Variants in TACC2 observed in about 807,000 individuals in gnomAD.
TACC2 encodes the protein transforming acidic coiled-coil-containing protein 2.
A neutral mutation model predicts 227.3 loss-of-function variants in TACC2; 137 were observed. That is an observed-to-expected ratio of 0.60 (90% CI 0.52 to 0.69). The LOEUF is 0.69. Ranked by LOEUF, TACC2 falls within the 30% of genes least tolerant of loss-of-function variation. TACC2 has a pLI of 0.00. For synonymous variants in TACC2, 1,523 were observed against 1,487.5 expected (o/e 1.02, Z -0.55); for missense variants, 3,470 against 3,694.4 (o/e 0.94, Z 1.57).
chr10:122,049,700 C>T (rs926430297), intron 2 of TACC2, among the ~76,000 whole-genome samples: 2 of 151,748 alleles, frequency 1.3e-5, no homozygotes, highest in African/African-American at 4.8e-5. Context: ...TTATATTATA[C>T]TAAAATAGCA....
At chr10:121,993,183 G>A (rs1422468218) in intron 1 of TACC2, among the ~76,000 whole-genome samples, 1 of 152,002 alleles carries the variant, frequency 6.6e-6, no homozygotes, top group African/African-American at 2.4e-5. Flanking sequence ...AAAACTCTCT[G>A]GGAGGTCCTT....
chr10:122,016,610 T>C (rs1022119950), intron 1 of TACC2, among the ~76,000 whole-genome samples: 3 of 151,090 alleles, frequency 2.0e-5, no homozygotes, highest in Admixed American at 6.6e-5. Flanking sequence ...ACCTGAGGCC[T>C]TTCTCACCTC....
chr10:122,085,589 T>C lies in TACC2; in HGVS notation c.3089T>C (p.Leu1030Ser), dbSNP rs1282606971. 6.2e-7 allele frequency: 1 copy of C among 1,613,176 alleles called. No homozygotes were observed. Among genetic ancestry groups the C allele is most frequent in the South Asian group, 1.1e-5 (1 of 91,084 alleles). Residue 1030 changes from leucine (L) to serine (S), a missense_variant, in exon 4 of 23, where the codon TTG becomes TCG. By Grantham distance (145) the Leu-to-Ser change is moderately radical (BLOSUM62 -2). Coordinates refer to ENST00000369005, the MANE Select transcript of TACC2 (RefSeq NM_206862.4). ...GATGGTTGTTCCCCACTCTGGGGCT[T>C]GAGTAAGAGGGAGATGGCAAGTGGA... ...AADGCSPLWG[L>S]SKREMASGNT... is the part of the protein sequence containing the mutation.
intron 11 of TACC2, among the ~76,000 whole-genome samples, chr10:122,218,019 A>G (rs1381494674): frequency 6.6e-6 from 1 of 151,926 alleles, no homozygotes; most frequent in Non-Finnish European, 1.5e-5. Context: ...ATCTCGGCTC[A>G]CTGCAACCTC....
At chr10:122,187,318 G>A (rs879768857) in intron 7 of TACC2, among the ~76,000 whole-genome samples, 1 of 152,078 alleles carries the variant, frequency 6.6e-6, no homozygotes, top group African/African-American at 2.4e-5. Flanking sequence ...CCCGGAGCTC[G>A]CCCTTTCTTC....
In TACC2 at chr10:122,105,624, C is replaced by CTTTT. The variant is rs10700461; in HGVS notation, c.5573+17043_5573+17046dup. ...TCCACGTAGCGTCCTGTCTTAAACA[C>CTTTT]TTTTTTTTTTTTTGAGATGGAGTCT... On this transcript the variant is annotated intron_variant, in intron 5 of 22. Coordinates refer to ENST00000369005, the MANE Select transcript of TACC2 (RefSeq NM_206862.4). Among the ~76,000 whole-genome samples, 123 of 144,528 alleles carry CTTTT rather than the reference C, an allele frequency of 8.5e-4. 2 individuals are homozygous for CTTTT. The highest frequency in any genetic ancestry group is 4.2e-3 in the East Asian group (21 of 4,954). 94.8% of individuals were successfully genotyped at this position (144,528 alleles called of 152,430 possible).
At chr10:122,224,818 G>C in intron 12 of TACC2, 31 bp downstream of exon 12, 1 of 1,596,528 alleles carries the variant, frequency 6.3e-7, no homozygotes, top group Non-Finnish European at 8.6e-7. Flanking sequence ...CCACTTAGGG[G>C]ACTCGCTTTC....
At position 121,994,217 on chromosome 10, in the gene TACC2, C is replaced by T. The variant is rs187148271; in HGVS notation, c.-46+4729C>T. Among the ~76,000 whole-genome samples the T allele has an allele frequency of 8.1e-4, 123 of 152,218 alleles. 1 individual carries two copies. Among genetic ancestry groups the T allele is most frequent in the Non-Finnish European group, 1.4e-3 (98 of 68,042 alleles). On this transcript the variant is annotated intron_variant, in intron 1 of 22. Coordinates refer to ENST00000369005, the MANE Select transcript of TACC2 (RefSeq NM_206862.4). ...CATGTTTGAAAAGGACTGCTTGATA[C>T]TGTCAGCTGAGGCTGGTGATGACCT...
intron 11 of TACC2, among the ~76,000 whole-genome samples, chr10:122,219,030 A>AAGAAG (rs1555153694): frequency 1.4e-5 from 2 of 143,846 alleles, no homozygotes; most frequent in Non-Finnish European, 3.0e-5. Flanking sequence ...AAAAAAAAAA[A>AAGAAG]AAAAAGAAAA....
Position 122,085,893 on chromosome 10 carries a change from G to T in TACC2, c.3393G>T (p.Glu1131Asp). ...AAGGTGGTGAAGCCGGGGCTGCTGAGACTGGTGGCAGCGCTGGTGCAGGAG... is the reference window on the plus strand; with the variant it reads ...AAGGTGGTGAAGCCGGGGCTGCTGATACTGGTGGCAGCGCTGGTGCAGGAG... Reference protein sequence around the residue: ...GEQGGEAGAAETGGSAGAGDP... With the variant: ...GEQGGEAGAADTGGSAGAGDP... The change falls in exon 4 of 23, where the codon GAG becomes GAT. Residue 1131 changes from glutamate to aspartate, a missense_variant. By Grantham distance (45) the Glu-to-Asp change is conservative. This residue lies in a region of TACC2 where 1,924 missense variants were observed against 1,978.3 expected (regional missense o/e 0.97). Transcript: ENST00000369005. The T allele has an allele frequency of 6.2e-7, 1 of 1,613,434 alleles. No homozygotes were observed.
At position 122,254,124 on chromosome 10, in the gene TACC2, C is replaced by A; in HGVS notation, c.*68C>A. ...GACCGTCGGCACACTGCTGTTCCTC[C>A]AGTTCCATGGACAGGTTCTGTTTTC... On this transcript the variant is annotated 3_prime_UTR_variant, in exon 23 of 23. Coordinates refer to ENST00000369005, the MANE Select transcript of TACC2 (RefSeq NM_206862.4). The A allele has an allele frequency of 7.8e-7, 1 of 1,280,386 alleles. No homozygotes were observed. Among genetic ancestry groups the A allele is most frequent in the Non-Finnish European group, 1.1e-6 (1 of 875,388 alleles). The allele number at this position is 1,280,386 out of a possible 1,614,324, so 79.3% of individuals were successfully genotyped here. A position where few individuals can be genotyped will look rare whatever the true frequency, so the allele number is the denominator to read the frequency against.
rs149487619 is a variant in TACC2, at chr10:122,248,767, T to C, written c.8517T>C (p.Tyr2839=). The C allele has an allele frequency of 3.0e-5, 49 of 1,614,018 alleles. 2 individuals are homozygous for C. The highest frequency in any genetic ancestry group is 2.5e-4 in the Admixed American group (15 of 60,020). The change falls in exon 20 of 23, where the codon TAT becomes TAC. Residue 2839 remains tyrosine (Y), a synonymous_variant. Transcript: ENST00000369005. ...CTCTGGCCGACCTCTTCAGAAGATA[T>C]GAGAAGATGAAGGAGGTCCTAGAAG... ...EKSLADLFRR[Y]EKMKEVLEGF... is the part of the protein sequence containing the mutation.
intron 7 of TACC2, among the ~76,000 whole-genome samples, chr10:122,155,833 ATTT>A (rs66559186): frequency 5.6e-4 from 66 of 118,308 alleles, no homozygotes; most frequent in African/African-American, 1.5e-3. Flanking sequence ...TAGTGGGAAA[ATTT>A]TTTTTTTTTT....
intron 7 of TACC2, among the ~76,000 whole-genome samples, chr10:122,160,626 C>G (rs1280796996): frequency 6.6e-6 from 1 of 151,968 alleles, no homozygotes; most frequent in African/African-American, 2.4e-5. Flanking sequence ...TTCTAATTAC[C>G]TCCCAAAAGC....
chr10:122,209,314 T>C lies in TACC2; in HGVS notation c.5972-1083T>C, dbSNP rs1217827875. 1.3e-5 allele frequency among the ~76,000 whole-genome samples: 2 copies of C among 152,202 alleles called. No individual in the cohort carries two copies. The highest frequency in any genetic ancestry group is 4.8e-5 in the African/African-American group (2 of 41,448). On this transcript the variant is annotated intron_variant, in intron 8 of 22. Coordinates refer to ENST00000369005, the MANE Select transcript of TACC2 (RefSeq NM_206862.4). This position sits in a 1 kb window ranked among gnomAD's most constrained non-coding sequence, Gnocchi z 4.5. ...GCTCCCCTGATCTTCACAGTGGCTC[T>C]GAGGAGTCAAGAACAGGCTTGCTGG...
chr10:122,179,991 C>G (rs2093911579), intron 7 of TACC2, among the ~76,000 whole-genome samples: 1 of 151,892 alleles, frequency 6.6e-6, no homozygotes, highest in Non-Finnish European at 1.5e-5. Context: ...GGCTGAGGTT[C>G]AGAGGATCGC....
In TACC2 at chr10:122,005,683, CTTTTTTTTTTTTTTCT is replaced by C; in HGVS notation, c.-46+16208_-46+16223del. ...ACAGGCATGAGCCACCGTGCCTGGC[CTTTTTTTTTTTTTTCT>C]TTTTTTTTTTTTGAGATGGAGTCTC... On this transcript the variant is annotated intron_variant, in intron 1 of 22. Transcript: ENST00000369005. Among the ~76,000 whole-genome samples, 2 of 108,390 alleles carry C rather than the reference CTTTTTTTTTTTTTTCT, an allele frequency of 1.8e-5. 1 individual carries two copies. The highest frequency in any genetic ancestry group is 6.0e-4 in the South Asian group (2 of 3,340). The allele number at this position is 108,390 out of a possible 152,430, so 71.1% of individuals were successfully genotyped here.
intron 14 of TACC2, 80 bp downstream of exon 14, chr10:122,228,088 T>C: frequency 6.8e-7 from 1 of 1,465,964 alleles, no homozygotes; most frequent in African/African-American, 1.4e-5. Context: ...AGGCCAGGCC[T>C]TCAGAGCAAC....
intron 8 of TACC2, among the ~76,000 whole-genome samples, chr10:122,197,657 A>C (rs1213233595): frequency 6.6e-6 from 1 of 152,198 alleles, no homozygotes; most frequent in Non-Finnish European, 1.5e-5. Context: ...CTTGGATTAC[A>C]CCAATTGGAG....
Sources: gnomAD v4.1 joint callset for allele counts (sites outside exome capture counted in the v4.1 genomes callset) on GRCh38, gnomAD v4.1.1 for gene constraint, gnomAD v4.1.1 regional missense constraint, Gnocchi (gnomAD v3.1) non-coding constraint, MANE v1.5 for transcripts, NCBI Gene and HGNC (gene_info 2026-07-23, HGNC 2026-07-21) for gene names.